EPHA10: variants seen among roughly 807,000 people sequenced by gnomAD.
EPHA10 encodes EPH receptor A10.
EPHA10 carries 120 observed loss-of-function variants against 109.7 expected under a neutral mutation model. That is an observed-to-expected ratio of 1.09 (90% CI 0.94 to 1.27). The LOEUF (loss-of-function observed/expected upper bound fraction) is 1.27, where lower values mean the gene tolerates loss of function less well. EPHA10 is among the 50% of genes most tolerant of loss of function. The pLI, the probability that EPHA10 is intolerant of heterozygous loss-of-function variation, is 0.00. For synonymous variants in EPHA10, 640 were observed against 618.9 expected, an observed-to-expected ratio of 1.03 and a Z score of -0.51; for missense variants, 1,396 against 1,411.1, an observed-to-expected ratio of 0.99 and a Z score of 0.17.
At chr1:37,752,478 A>T (rs1646342560) in intron 5 of EPHA10, among the ~76,000 whole-genome samples, 1 of 152,056 alleles carries the variant, frequency 6.6e-6, no homozygotes, top group African/African-American at 2.4e-5. Flanking sequence ...GGAAGGTAAG[A>T]GATTAAGGGA....
At chr1:37,719,697 G>C (rs1645755567) in intron 14 of EPHA10, 90 bp from the exon 15 acceptor site, 8 of 1,414,860 alleles carry the variant, frequency 5.7e-6, no homozygotes, top group African/African-American at 1.4e-5. Flanking sequence ...CACAGACACA[G>C]ACACACACAC....
chr1:37,763,654 G>C (rs1646452051), intron 1 of EPHA10, among the ~76,000 whole-genome samples: 1 of 117,088 alleles, frequency 8.5e-6, no homozygotes, highest in African/African-American at 3.1e-5. Flanking sequence ...TTATAGCTAA[G>C]AGTCAATTAG....
At chr1:37,724,237 G>C (rs1645850259) in intron 8 of EPHA10, among the ~76,000 whole-genome samples, 1 of 152,220 alleles carries the variant, frequency 6.6e-6, no homozygotes. Context: ...CAGAAAGGAA[G>C]AGGGAGAAGT....
intron 2 of EPHA10, 105 bp downstream of exon 2, chr1:37,762,680 A>G (rs562340070): frequency 3.9e-6 from 4 of 1,017,496 alleles, no homozygotes; most frequent in Non-Finnish European, 4.0e-6. Context: ...GAGACCACAC[A>G]CTCTGAGGAG....
At chr1:37,752,262 A>C (rs1162104161) in intron 5 of EPHA10, among the ~76,000 whole-genome samples, 1 of 152,102 alleles carries the variant, frequency 6.6e-6, no homozygotes, top group Non-Finnish European at 1.5e-5. Context: ...AGACTCAGAG[A>C]TGTATTGGCT....
At position 37,754,396 on chromosome 1, in the gene EPHA10, G is replaced by A. The variant is rs773697224; in HGVS notation, c.851-26C>T. On this transcript the variant is annotated intron_variant, in intron 3 of 16. Transcript: ENST00000373048. This position sits in a 1 kb window ranked among gnomAD's most constrained non-coding sequence, Gnocchi z 4.5. ...CTGCAGGGCATGGCTGGTGAGAAGA[G>A]GGGGCTCCTCCAGTTTCTCCCCGCT... The A allele has an allele frequency of 2.3e-6, 3 of 1,284,864 alleles. No individual in the cohort carries two copies. In the Admixed American group the frequency reaches 1.3e-4, roughly 54 times the overall value. The allele number at this position is 1,284,864 out of a possible 1,614,324, so 79.6% of individuals were successfully genotyped here.
chr1:37,720,982 C>T (rs956507794), intron 11 of EPHA10, 138 bp from the exon 12 acceptor site: 1 of 755,280 alleles, frequency 1.3e-6, no homozygotes, highest in African/African-American at 1.7e-5. Flanking sequence ...CATCCTCCTG[C>T]CCAGCCCAGG....
At chr1:37,744,800 A>G (rs1337450748) in intron 5 of EPHA10, among the ~76,000 whole-genome samples, 2 of 152,244 alleles carry the variant, frequency 1.3e-5, no homozygotes, top group Non-Finnish European at 2.9e-5. Flanking sequence ...TGTGTCTCCA[A>G]AAAAGATATG....
rs1310108699 is a variant in EPHA10 at position 37,727,107 on chromosome 1, C to T, written c.1767G>A (p.Trp589Ter). The T allele has an allele frequency of 1.9e-6, 3 of 1,609,974 alleles. No homozygotes were observed. Among genetic ancestry groups the T allele is most frequent in the Non-Finnish European group, 2.5e-6 (3 of 1,177,946 alleles). The change falls in exon 8 of 17, where the codon TGG becomes TGA. Residue 589 changes from tryptophan (W) to a stop codon, truncating the protein, a stop_gained. Transcript: ENST00000373048. LOFTEE classifies it high-confidence loss of function. ...LGSVMSVLAI[W>*]RRPCSYGKGG... The stretch of plus-strand genomic sequence containing the variant: ...GGCTGGGGCCAGCCACCTACCTCCT[C>T]CAAATGGCCAGCACACTCATCACGG...
chr1:37,761,341 A>G, intron 3 of EPHA10, 64 bp downstream of exon 3: 1 of 1,525,114 alleles, frequency 6.6e-7, no homozygotes, highest in Non-Finnish European at 8.7e-7. Context: ...TCTAGGGCAC[A>G]CTCTCTCTCA....
At chr1:37,760,349 G>A in intron 3 of EPHA10, 4 of 1,049,928 alleles carry the variant, frequency 3.8e-6, no homozygotes, top group Non-Finnish European at 4.6e-6. Flanking sequence ...TGTATCCAAA[G>A]CCACAGGCAA....
Position 37,716,911 on chromosome 1 carries a change from A to T in EPHA10, c.*1461T>A, listed in dbSNP as rs1203613105. 3 of 232,786 alleles carry T rather than the reference A, an allele frequency of 1.3e-5. No homozygotes were observed. The highest frequency in any genetic ancestry group is 6.6e-5 in the African/African-American group (3 of 45,270). 14.4% of individuals were successfully genotyped at this position (232,786 alleles called of 1,614,324 possible). On this transcript the variant is annotated 3_prime_UTR_variant, in exon 17 of 17. Transcript: ENST00000373048. ...TCCTGGGGGGCCCTGGGCACTGTGG[A>T]TGGTGCCCTGGAATTACTTCTTGGT...
intron 5 of EPHA10, among the ~76,000 whole-genome samples, chr1:37,737,735 G>A (rs1259969130): frequency 6.6e-6 from 1 of 152,120 alleles, no homozygotes; most frequent in Admixed American, 6.6e-5. Context: ...AAAAGCACAG[G>A]CAGCAAAAAC....
chr1:37,761,099 A>AAC (rs1646425915), intron 3 of EPHA10: 3 of 1,177,328 alleles, frequency 2.5e-6, no homozygotes, highest in Non-Finnish European at 2.1e-6. Context: ...TAAAAAAAAA[A>AAC]AAAAACAATG....
At chr1:37,753,322 C>T in intron 4 of EPHA10, 96 bp from the exon 5 acceptor site, 1 of 852,094 alleles carries the variant, frequency 1.2e-6, no homozygotes, top group Non-Finnish European at 1.6e-6. Flanking sequence ...TGTCCACCCC[C>T]AGTGAGGCAG....
chr1:37,730,199 C>T (rs990777796), intron 7 of EPHA10, among the ~76,000 whole-genome samples: 4 of 152,220 alleles, frequency 2.6e-5, no homozygotes, highest in African/African-American at 9.6e-5. Context: ...CGAGGTCTGA[C>T]ACTTTTTGCA....
rs751599128 is a variant in EPHA10 at position 37,723,388 on chromosome 1, G to C, written c.1773-16C>G. ...GCTGCAGGGCCTGGCAGGGAGTTCA[G>C]GGTCATTCTTTCAGCCAGGCCACCC... On this transcript the variant is annotated splice_polypyrimidine_tract_variant and intron_variant, in intron 8 of 16. Coordinates refer to ENST00000373048, the MANE Select transcript of EPHA10 (RefSeq NM_001099439.2). The C allele has an allele frequency of 1.2e-6, 2 of 1,613,684 alleles. No individual in the cohort carries two copies. The highest frequency in any genetic ancestry group is 1.1e-5 in the South Asian group (1 of 91,026).
Position 37,723,214 on chromosome 1 carries a change from G to C in EPHA10, c.1835-48C>G, listed in dbSNP as rs1174720522. On this transcript the variant is annotated intron_variant, in intron 9 of 16. Transcript: ENST00000373048. Reference sequence around the variant, plus strand: ...TGAGGAATGGGGCCTCCACCACTGGGGCTGACAAGCGGGCTCATGCAGTGT... The same window carrying C: ...TGAGGAATGGGGCCTCCACCACTGGCGCTGACAAGCGGGCTCATGCAGTGT... 4 of 1,605,804 alleles carry C rather than the reference G, an allele frequency of 2.5e-6. 1 individual carries two copies. The highest frequency in any genetic ancestry group is 3.4e-6 in the Non-Finnish European group (4 of 1,174,996).
At position 37,725,750 on chromosome 1, in the gene EPHA10, C is replaced by T. The variant is rs891585840; in HGVS notation, c.1772+1352G>A. The stretch of plus-strand genomic sequence containing the variant: ...GGGGAAGGCTGAGTGGATGGAGGAG[C>T]GAAAGAGGGTGCGTGGTGAGGAGAG... On this transcript the variant is annotated intron_variant, in intron 8 of 16. Transcript: ENST00000373048. Among the ~76,000 whole-genome samples the T allele has an allele frequency of 4.0e-5, 6 of 151,866 alleles. No individual in the cohort carries two copies. In the South Asian group the frequency reaches 6.2e-4, roughly 16 times the overall value.
Sources: gnomAD v4.1 joint callset for allele counts (sites outside exome capture counted in the v4.1 genomes callset) on GRCh38, gnomAD v4.1.1 for gene constraint, Gnocchi (gnomAD v3.1) non-coding constraint, MANE v1.5 for transcripts, NCBI Gene and HGNC (gene_info 2026-07-23, HGNC 2026-07-21) for gene names.